ZNF483: variants seen among roughly 807,000 people sequenced by gnomAD.
ZNF483 encodes zinc finger protein 483.
A neutral mutation model predicts 28.6 loss-of-function variants in ZNF483; 9 were observed. The observed-to-expected ratio is 0.32, with a 90% CI of 0.19 to 0.55. The LOEUF is 0.55. ZNF483 is among the 20% of genes least tolerant of loss of function. The pLI is 0.93. For synonymous variants in ZNF483, 322 were observed against 306.2 expected (o/e 1.05, Z -0.54); for missense variants, 675 against 871.7 (o/e 0.77, Z 2.84).
At chr9:111,561,100 T>TAGAGAGAGAGAG (rs1589288997) in intron 5 of ZNF483, among the ~76,000 whole-genome samples, 1 of 31,428 alleles carries the variant, frequency 3.2e-5, no homozygotes, top group Non-Finnish European at 5.7e-5. Context: ...TATATATATA[T>TAGAGAGAGAGAG]ATATATATAT....
Position 111,549,270 on chromosome 9 carries a change from C to A in ZNF483, c.*6100C>A. On this transcript the variant is annotated 3_prime_UTR_variant, in exon 6 of 6. Transcript: ENST00000309235. ...CACTGGGGAGAAATATCTTACAATT[C>A]TGAAAACACACTGTCAAAATGCTTT... 6.6e-6 allele frequency among the ~76,000 whole-genome samples: 1 copy of A among 152,144 alleles called. No individual in the cohort carries two copies. The highest frequency in any genetic ancestry group is 1.9e-4 in the East Asian group (1 of 5,194).
exon 6 of ZNF483, chr9:111,576,549 C>G: frequency 8.5e-7 from 1 of 1,169,972 alleles, no homozygotes; most frequent in Non-Finnish European, 1.2e-6. Context: ...GGGGTATTAG[C>G]TAGTGGAGTG....
Position 111,533,735 on chromosome 9 carries a change from C to G in ZNF483, c.502-4C>G. 6.4e-7 allele frequency: 1 copy of G among 1,552,992 alleles called. No homozygotes were observed. The highest frequency in any genetic ancestry group is 1.2e-5 in the South Asian group (1 of 80,060). ...CAATACAAAAGAGCTGTTTGGTGTT[C>G]TAGGAATCTATAACATTGAAGGATG... On this transcript the variant is annotated splice_region_variant and splice_polypyrimidine_tract_variant and intron_variant, in intron 3 of 5. Transcript: ENST00000309235.
chr9:111,541,625 A>G (rs1195721011), intron 5 of ZNF483, 32 bp from the exon 6 acceptor site: 5 of 1,535,924 alleles, frequency 3.3e-6, no homozygotes. Flanking sequence ...TTTCTTGCAA[A>G]CAGGAAATAT....
At position 111,549,555 on chromosome 9, in the gene ZNF483, T is replaced by C. The variant is rs1371159133; in HGVS notation, c.*6385T>C. ...TCTTCCAGGTTGGAGTTCTCAGGTC[T>C]GTCTCCCTTGTAGATTATCAGAGTG... On this transcript the variant is annotated 3_prime_UTR_variant, in exon 6 of 6. Transcript: ENST00000309235. Among the ~76,000 whole-genome samples, 1 of 152,214 alleles carries C rather than the reference T, an allele frequency of 6.6e-6. No individual in the cohort carries two copies. Among genetic ancestry groups the C allele is most frequent in the African/African-American group, 2.4e-5 (1 of 41,454 alleles).
chr9:111,535,401 T>C lies in ZNF483; in HGVS notation c.721+1048T>C, dbSNP rs183336435. ...ATCTTGAAGGATGAGTAGGAATTCA[T>C]CCAGTGGACAGCATGCATAATAATT... is the stretch of plus-strand genomic sequence containing the variant. On this transcript the variant is annotated intron_variant, in intron 5 of 5. Coordinates refer to ENST00000309235, the MANE Select transcript of ZNF483 (RefSeq NM_133464.5). Among the ~76,000 whole-genome samples the C allele has an allele frequency of 1.2e-4, 19 of 152,342 alleles. No individual in the cohort carries two copies. The East Asian group carries it at 3.3e-3, about 26-fold the overall frequency.
intron 2 of ZNF483, among the ~76,000 whole-genome samples, chr9:111,530,260 C>A (rs1388638071): frequency 6.6e-6 from 1 of 152,180 alleles, no homozygotes; most frequent in Non-Finnish European, 1.5e-5. Flanking sequence ...TAGCTAACCA[C>A]GTGGCAGTTC....
downstream of ZNF483, among the ~76,000 whole-genome samples, chr9:111,558,289 T>G (rs888572762): frequency 6.6e-6 from 1 of 152,214 alleles, no homozygotes; most frequent in Non-Finnish European, 1.5e-5. Context: ...GGAGCTCAAA[T>G]TTTCCATGAT....
rs1166588346 is a variant in ZNF483, at chr9:111,527,281, G to A, written c.-115G>A. On this transcript the variant is annotated 5_prime_UTR_variant, in exon 2 of 6. Coordinates refer to ENST00000309235, the MANE Select transcript of ZNF483 (RefSeq NM_133464.5). The stretch of plus-strand genomic sequence containing the variant: ...TCTTCTTGACAGTTTCTGCAGGACT[G>A]TAAACTGGATTCCTGGAACCTTTGA... 1.4e-5 allele frequency: 16 copies of A among 1,159,626 alleles called. No individual in the cohort carries two copies. The highest frequency in any genetic ancestry group is 1.8e-5 in the Non-Finnish European group (15 of 820,340). 71.8% of individuals were successfully genotyped at this position (1,159,626 alleles called of 1,614,324 possible). A position where few individuals can be genotyped will look rare whatever the true frequency, so the allele number is the denominator to read the frequency against.
At chr9:111,529,031 C>T (rs148353509) in intron 2 of ZNF483, among the ~76,000 whole-genome samples, 2 of 152,004 alleles carry the variant, frequency 1.3e-5, no homozygotes, top group African/African-American at 2.4e-5. Context: ...GTAATCCCAG[C>T]TACTCTGGAG....
chr9:111,531,235 A>G (rs1161368645), intron 3 of ZNF483, among the ~76,000 whole-genome samples: 2 of 152,108 alleles, frequency 1.3e-5, no homozygotes, highest in African/African-American at 4.8e-5. Flanking sequence ...CTTTCAAGGA[A>G]CTGACGCCTC....
intron 5 of ZNF483, chr9:111,562,531 C>T (rs1406963573): frequency 1.3e-5 from 2 of 152,174 alleles, no homozygotes; most frequent in African/African-American, 2.4e-5. Flanking sequence ...ACCTCAGCCT[C>T]CCAAAGTGCT....
rs1431605494 is a variant in ZNF483 at position 111,550,979 on chromosome 9, A to G, written c.*7809A>G. ...AGCCTCTGATGATCTTTGACTATTT[A>G]TATTTAAGAGCAGGGCTCTAAAAAG... is the stretch of plus-strand genomic sequence containing the variant. On this transcript the variant is annotated 3_prime_UTR_variant, in exon 6 of 6. Coordinates refer to ENST00000309235, the MANE Select transcript of ZNF483 (RefSeq NM_133464.5). 1.3e-5 allele frequency among the ~76,000 whole-genome samples: 2 copies of G among 152,174 alleles called. No homozygotes were observed. Among genetic ancestry groups the G allele is most frequent in the East Asian group, 3.8e-4 (2 of 5,200 alleles).
chr9:111,532,118 G>T (rs1467398398), intron 3 of ZNF483, among the ~76,000 whole-genome samples: 1 of 152,190 alleles, frequency 6.6e-6, no homozygotes, highest in Admixed American at 6.5e-5. Context: ...AGAGCAGTCT[G>T]GGCAACATAG....
In ZNF483 at chr9:111,542,128, T is replaced by C. The variant is rs749252500; in HGVS notation, c.1193T>C (p.Ile398Thr). The change falls in exon 6 of 6, where the codon ATC (isoleucine) becomes ACC (threonine). Residue 398 changes from isoleucine (I) to threonine (T), a missense_variant. By Grantham distance (89) the Ile-to-Thr change is moderately conservative (BLOSUM62 -1). This residue lies in a region of ZNF483 where 525 missense variants were observed against 581.8 expected (regional missense o/e 0.90). Transcript: ENST00000309235. The surrounding 1 kb of genome is among the most constrained non-coding windows in gnomAD (Gnocchi z 6.2). ...CAAAAATGCAGTAAGTGTGGGATAA[T>C]CTTTATTAGAAGATCAACTCTTTCT... ...RSQKCSKCGI[I>T]FIRRSTLSRR... The C allele has an allele frequency of 5.9e-5, 95 of 1,613,984 alleles. No homozygotes were observed. Among genetic ancestry groups the C allele is most frequent in the Non-Finnish European group, 7.1e-5 (84 of 1,180,048 alleles).
intron 3 of ZNF483, 58 bp downstream of exon 3, chr9:111,531,021 AG>A (rs1827332160): frequency 1.2e-6 from 1 of 812,314 alleles, no homozygotes; most frequent in African/African-American, 1.7e-5. Context: ...GCTCCTACTG[AG>A]TGGTATAAAG....
chr9:111,565,055 C>A (rs1049922827), intron 5 of ZNF483, among the ~76,000 whole-genome samples: 2 of 151,976 alleles, frequency 1.3e-5, no homozygotes, highest in Admixed American at 1.3e-4. Context: ...ACCCGGCAGG[C>A]GGAGGTTGCA....
At chr9:111,555,751 A>G (rs868549056), downstream of ZNF483, among the ~76,000 whole-genome samples, 4 of 152,128 alleles carry the variant, frequency 2.6e-5, no homozygotes, top group South Asian at 4.2e-4. Context: ...CAGGAGGGAA[A>G]TCTGCCACCA....
intron 5 of ZNF483, chr9:111,574,746 G>A (rs1403065200): frequency 6.2e-7 from 1 of 1,612,214 alleles, no homozygotes; most frequent in East Asian, 2.2e-5. Context: ...GGGGGAAGTG[G>A]GCCGGTTCTG....
Sources: allele counts gnomAD v4.1 joint callset (sites outside exome capture counted in the v4.1 genomes callset), GRCh38; gene constraint gnomAD v4.1.1; regional missense constraint gnomAD v4.1.1; non-coding constraint Gnocchi (gnomAD v3.1); transcripts MANE v1.5; gene names NCBI Gene and HGNC (gene_info 2026-07-23, HGNC 2026-07-21).